EVC2: variants seen among roughly 807,000 people sequenced by gnomAD.
EVC2 encodes limbin.
In EVC2, 148 loss-of-function variants were observed where a neutral mutation model predicts 149.3. The observed-to-expected ratio is 0.99, with a 90% CI of 0.87 to 1.14. The LOEUF is 1.14. Among genes scored for constraint, EVC2 ranks in the 50% most tolerant of loss-of-function variants. The probability of loss-of-function intolerance (pLI) is 0.00; values close to 1 mark genes in which losing one functional copy is unlikely to be tolerated. For missense variants in EVC2, 1,854 were observed against 1,627.3 expected, an observed-to-expected ratio of 1.14 and a Z score of -2.40; for synonymous variants, 776 against 649.9, an observed-to-expected ratio of 1.19 and a Z score of -2.95.
intron 8 of EVC2, among the ~76,000 whole-genome samples, 187 bp downstream of exon 8, chr4:5,665,328 A>C (rs1443816291): frequency 2.0e-5 from 3 of 152,032 alleles, no homozygotes; most frequent in African/African-American, 7.3e-5. Flanking sequence ...TCTTAAGAAA[A>C]AAAAAGAATG....
In EVC2 at chr4:5,671,714, G is replaced by A. The variant is rs541905528; in HGVS notation, c.871-6065C>T. ...TTTTGTAGAGACGGGGTTTCACCAT[G>A]TTGGCCAGGCTTGTCTTAAACTCCT... On this transcript the variant is annotated intron_variant, in intron 7 of 21. Coordinates refer to ENST00000344408, the MANE Select transcript of EVC2 (RefSeq NM_147127.5). 1.3e-4 allele frequency among the ~76,000 whole-genome samples: 20 copies of A among 152,256 alleles called. No individual in the cohort carries two copies. The East Asian group carries it at 2.9e-3, about 22-fold the overall frequency.
At chr4:5,552,646 A>C (rs1721762286) in intron 21 of EVC2, among the ~76,000 whole-genome samples, 1 of 152,206 alleles carries the variant, frequency 6.6e-6, no homozygotes, top group African/African-American at 2.4e-5. Context: ...TGAATAAATG[A>C]AGCACAACCA....
chr4:5,579,858 A>G (rs1560135851), intron 17 of EVC2, among the ~76,000 whole-genome samples: 1 of 152,150 alleles, frequency 6.6e-6, no homozygotes. Context: ...AAGAAGAAGA[A>G]GAGGAAGATG....
At position 5,694,435 on chromosome 4, in the gene EVC2, G is replaced by C; in HGVS notation, c.350C>G (p.Ala117Gly). The change falls in exon 3 of 22, where the codon GCA becomes GGA. Residue 117 changes from alanine to glycine, a missense_variant. By Grantham distance (60) the Ala-to-Gly change is moderately conservative. Coordinates refer to ENST00000344408, the MANE Select transcript of EVC2 (RefSeq NM_147127.5). Reference protein sequence around the residue: ...MEVFIPLSTSAASSGPWAHSL... With the variant: ...MEVFIPLSTSGASSGPWAHSL... ...ATGAGCCCATGGCCCACTAGAGGCT[G>C]CAGAAGTTGAGAGTGGGATGAAGAC... 1 of 1,614,204 alleles carries C rather than the reference G, an allele frequency of 6.2e-7. No individual in the cohort carries two copies. Among genetic ancestry groups the C allele is most frequent in the South Asian group, 1.1e-5 (1 of 91,086 alleles).
At chr4:5,573,508 C>T (rs1382619585) in intron 19 of EVC2, among the ~76,000 whole-genome samples, 6 of 152,196 alleles carry the variant, frequency 3.9e-5, no homozygotes, top group Non-Finnish European at 8.8e-5. Context: ...AGTCCTACAA[C>T]CACAATGGGC....
At chr4:5,545,467 A>T (rs1721597090) in intron 21 of EVC2, among the ~76,000 whole-genome samples, 1 of 152,192 alleles carries the variant, frequency 6.6e-6, no homozygotes, top group African/African-American at 2.4e-5. Flanking sequence ...GTAACAGGTA[A>T]TGTTTGCTTC....
At chr4:5,577,766 G>C (rs1723022424) in intron 17 of EVC2, among the ~76,000 whole-genome samples, 1 of 152,152 alleles carries the variant, frequency 6.6e-6, no homozygotes, top group African/African-American at 2.4e-5. Flanking sequence ...CTCCTGAGCA[G>C]GGCTCCTAGC....
At chr4:5,594,506 G>A (rs1713186682) in intron 16 of EVC2, among the ~76,000 whole-genome samples, 1 of 152,324 alleles carries the variant, frequency 6.6e-6, no homozygotes. Flanking sequence ...ACCTGCAGCT[G>A]AGGGTCTTGT....
In EVC2 at chr4:5,576,880, C is replaced by T. The variant is rs1466216186; in HGVS notation, c.3058-426G>A. On this transcript the variant is annotated intron_variant, in intron 17 of 21. Transcript: ENST00000344408. This position sits in a 1 kb window ranked among gnomAD's most constrained non-coding sequence, Gnocchi z 4.5. ...ATCACTGTCCTGTGCCTTTCTGCTA[C>T]AGTGTGAGCTCTTTGAGGGCAGGGC... 6.6e-6 allele frequency among the ~76,000 whole-genome samples: 1 copy of T among 152,196 alleles called. No individual in the cohort carries two copies. The highest frequency in any genetic ancestry group is 1.5e-5 in the Non-Finnish European group (1 of 68,042).
intron 15 of EVC2, among the ~76,000 whole-genome samples, chr4:5,616,910 C>T (rs1715300193): frequency 1.3e-5 from 2 of 152,234 alleles, no homozygotes; most frequent in African/African-American, 4.8e-5. Flanking sequence ...TTCACTCCTG[C>T]CGGGACTCAC....
At chr4:5,706,028 G>C (rs1454098412) in intron 1 of EVC2, among the ~76,000 whole-genome samples, 2 of 152,120 alleles carry the variant, frequency 1.3e-5, no homozygotes, top group Non-Finnish European at 2.9e-5. Context: ...CAGGGGGCCA[G>C]AGACTTGGAA....
chr4:5,588,001 G>GTCTC (rs555167956), intron 16 of EVC2, among the ~76,000 whole-genome samples: 161 of 152,032 alleles, frequency 1.1e-3, no homozygotes, highest in African/African-American at 3.6e-3. Context: ...ATGAGGGGTG[G>GTCTC]TCTCCTCCCT....
intron 9 of EVC2, among the ~76,000 whole-genome samples, chr4:5,656,885 C>T (rs1289403430): frequency 6.6e-6 from 1 of 152,202 alleles, no homozygotes; most frequent in Non-Finnish European, 1.5e-5. Context: ...ATCCCTCTCC[C>T]TCTCACCTGG....
At chr4:5,706,846 T>C (rs1234875083) in intron 1 of EVC2, among the ~76,000 whole-genome samples, 2 of 152,092 alleles carry the variant, frequency 1.3e-5, no homozygotes, top group Non-Finnish European at 2.9e-5. Flanking sequence ...ATACAGGTGC[T>C]CATTCCCAGA....
At chr4:5,620,078 C>G (rs1715574032) in intron 14 of EVC2, among the ~76,000 whole-genome samples, 1 of 152,138 alleles carries the variant, frequency 6.6e-6, no homozygotes, top group Admixed American at 6.5e-5. Context: ...ACCACGGGGG[C>G]CCTCTGCTGA....
At chr4:5,581,633 G>C (rs1188611096) in intron 17 of EVC2, among the ~76,000 whole-genome samples, 3 of 152,248 alleles carry the variant, frequency 2.0e-5, no homozygotes, top group South Asian at 2.1e-4. Context: ...TGTGAGCAAA[G>C]AAATGACCTG....
At chr4:5,592,494 G>T (rs1012794183) in intron 16 of EVC2, among the ~76,000 whole-genome samples, 3 of 152,204 alleles carry the variant, frequency 2.0e-5, no homozygotes, top group Non-Finnish European at 4.4e-5. Context: ...GGAATGTCAG[G>T]TGGCCATCAG....
chr4:5,533,513 C>T, the EVC2 span, among the ~76,000 whole-genome samples: 18 of 152,122 alleles, frequency 1.2e-4, no homozygotes, highest in Non-Finnish European at 1.3e-4. Context: ...GATGGGAAGC[C>T]CTTAAAAGGC....
In EVC2 at chr4:5,572,033, T is replaced by A. The variant is rs77615484; in HGVS notation, c.3360+2652A>T. Among the ~76,000 whole-genome samples the A allele has an allele frequency of 7.7e-4, 118 of 152,334 alleles. No homozygotes were observed. In the East Asian group the frequency reaches 0.018, roughly 23 times the overall value. On this transcript the variant is annotated intron_variant, in intron 19 of 21. Coordinates refer to ENST00000344408, the MANE Select transcript of EVC2 (RefSeq NM_147127.5). ...AATTTGGACTCATCGGCCTCCACAA[T>A]CACGGCAGCCAATTCCTTCAATAAA...
Sources: gnomAD v4.1 joint callset for allele counts (sites outside exome capture counted in the v4.1 genomes callset) on GRCh38, gnomAD v4.1.1 for gene constraint, Gnocchi (gnomAD v3.1) non-coding constraint, MANE v1.5 for transcripts, NCBI Gene and HGNC (gene_info 2026-07-23, HGNC 2026-07-21) for gene names.